The following EXOC6B variants were observed in gnomAD, a reference collection of about 807,000 sequenced individuals.
EXOC6B encodes the protein SEC15 homolog B.
A neutral mutation model predicts 113.5 loss-of-function variants in EXOC6B; 54 were observed. The observed-to-expected ratio is 0.48, with a 90% CI of 0.38 to 0.60. The LOEUF (loss-of-function observed/expected upper bound fraction) is 0.60. EXOC6B is among the 20% of genes least tolerant of loss of function. The pLI is 0.00. For missense variants in EXOC6B, 797 were observed against 977.5 expected (o/e 0.82, Z 2.46); for synonymous variants, 357 against 339.0 (o/e 1.05, Z -0.58).
intron 1 of EXOC6B, among the ~76,000 whole-genome samples, chr2:72,792,709 A>G (rs1684741195): frequency 6.6e-6 from 1 of 152,136 alleles, no homozygotes; most frequent in Non-Finnish European, 1.5e-5. Flanking sequence ...AGGCTAATGG[A>G]TGAGATAATT....
intron 20 of EXOC6B, among the ~76,000 whole-genome samples, chr2:72,259,405 T>C (rs1044852974): frequency 6.6e-6 from 1 of 152,256 alleles, no homozygotes; most frequent in Admixed American, 6.5e-5. Flanking sequence ...TGTATGTATA[T>C]ACTACAATTT....
intron 16 of EXOC6B, among the ~76,000 whole-genome samples, chr2:72,482,257 TA>T (rs1190312673): frequency 1.3e-5 from 2 of 152,230 alleles, no homozygotes; most frequent in African/African-American, 2.4e-5. Flanking sequence ...AAAAAAGTGG[TA>T]TCTATTACTT....
At chr2:72,379,600 A>T (rs1691560042) in intron 19 of EXOC6B, 129 bp downstream of exon 19, 3 of 829,632 alleles carry the variant, frequency 3.6e-6, no homozygotes, top group Admixed American at 3.5e-5. Context: ...TCTATAAGTT[A>T]TCTCTGTTAT....
At chr2:72,562,331 T>C (rs542671882) in intron 7 of EXOC6B, among the ~76,000 whole-genome samples, 1 of 152,102 alleles carries the variant, frequency 6.6e-6, no homozygotes, top group Admixed American at 6.6e-5. Context: ...AAAATGTAGT[T>C]TTTCCCTACT....
chr2:72,663,076 C>T (rs531405056), intron 6 of EXOC6B, among the ~76,000 whole-genome samples: 4 of 152,250 alleles, frequency 2.6e-5, no homozygotes, highest in Middle Eastern at 3.4e-3. Flanking sequence ...GATCTCATTC[C>T]ACAGTATTTA....
rs1572992294 is a variant in EXOC6B, at chr2:72,203,570, C to A, written c.2197-19383G>T. Among the ~76,000 whole-genome samples, 5 of 152,230 alleles carry A rather than the reference C, an allele frequency of 3.3e-5. 1 individual carries two copies. Among genetic ancestry groups the A allele is most frequent in the Admixed American group, 3.3e-4 (5 of 15,292 alleles). On this transcript the variant is annotated intron_variant, in intron 20 of 21. Transcript: ENST00000272427. ...TATCAATTCATACAACTAAAATGGT[C>A]CTATATTGGCTACAGGAATAAAAAG...
intron 1 of EXOC6B, among the ~76,000 whole-genome samples, chr2:72,786,771 C>G (rs995589948): frequency 6.6e-6 from 1 of 152,152 alleles, no homozygotes; most frequent in Non-Finnish European, 1.5e-5. Context: ...TACTGATACA[C>G]TCAGTGCTAA....
Position 72,643,928 on chromosome 2 carries a change from A to G in EXOC6B, c.670-68260T>C, listed in dbSNP as rs112239689. ...CACAGTTCCTTGCCAGCAACAGAAC[A>G]AAGCTGGATGGAGAATGACTTTGAC... On this transcript the variant is annotated intron_variant, in intron 6 of 21. Transcript: ENST00000272427. Among the ~76,000 whole-genome samples the G allele has an allele frequency of 1.5e-4, 23 of 152,290 alleles. 2 individuals carry two copies. Among genetic ancestry groups the G allele is most frequent in the African/African-American group, 4.6e-4 (19 of 41,576 alleles).
Position 72,765,053 on chromosome 2 carries a change from T to C in EXOC6B, c.114-23584A>G, listed in dbSNP as rs372281858. Among the ~76,000 whole-genome samples the C allele has an allele frequency of 2.0e-5, 3 of 151,010 alleles. No homozygotes were observed. The East Asian group carries it at 6.0e-4, about 30-fold the overall frequency. On this transcript the variant is annotated intron_variant, in intron 1 of 21. Coordinates refer to ENST00000272427, the MANE Select transcript of EXOC6B (RefSeq NM_015189.3). Reference sequence around the variant, plus strand: ...GGATTACTTGAGCCCAAGAGTTCAATACCAGCCTGAGCAACATGGTGAGAC... The same window carrying C: ...GGATTACTTGAGCCCAAGAGTTCAACACCAGCCTGAGCAACATGGTGAGAC...
At chr2:72,423,310 A>G (rs1336260980) in intron 18 of EXOC6B, among the ~76,000 whole-genome samples, 1 of 152,136 alleles carries the variant, frequency 6.6e-6, no homozygotes, top group African/African-American at 2.4e-5. Flanking sequence ...GCGCCACCTT[A>G]AGAGCTGTAA....
At chr2:72,636,756 G>A (rs1353090428) in intron 6 of EXOC6B, among the ~76,000 whole-genome samples, 1 of 151,684 alleles carries the variant, frequency 6.6e-6, no homozygotes, top group African/African-American at 2.4e-5. Flanking sequence ...CTAAGACAGG[G>A]AACAAAAAGA....
At chr2:72,519,397 A>G (rs1482716215) in intron 8 of EXOC6B, among the ~76,000 whole-genome samples, 2 of 152,288 alleles carry the variant, frequency 1.3e-5, no homozygotes, top group Admixed American at 6.5e-5. Flanking sequence ...TGTGCCTTTG[A>G]AAGAAGGCAC....
chr2:72,529,826 A>T (rs188723109), intron 8 of EXOC6B, among the ~76,000 whole-genome samples: 107 of 152,300 alleles, frequency 7.0e-4, no homozygotes, highest in African/African-American at 2.3e-3. Context: ...TATTCAAATT[A>T]TCCATTTCAT....
intron 18 of EXOC6B, among the ~76,000 whole-genome samples, chr2:72,382,752 G>T (rs1312734311): frequency 6.6e-6 from 1 of 151,988 alleles, no homozygotes; most frequent in Non-Finnish European, 1.5e-5. Flanking sequence ...CATGTCCATG[G>T]TTAGCTGTAT....
intron 12 of EXOC6B, among the ~76,000 whole-genome samples, chr2:72,499,693 A>G (rs957710216): frequency 2.0e-5 from 3 of 151,858 alleles, no homozygotes; most frequent in Non-Finnish European, 4.4e-5. Flanking sequence ...GCTACTGGTG[A>G]TTTTTTATGT....
chr2:72,414,329 A>G (rs933348708), intron 18 of EXOC6B, among the ~76,000 whole-genome samples: 4 of 152,196 alleles, frequency 2.6e-5, no homozygotes, highest in African/African-American at 9.7e-5. Context: ...CAACTACACA[A>G]TGCTTTCCAA....
At chr2:72,796,453 CAAAAA>C (rs61374385) in intron 1 of EXOC6B, among the ~76,000 whole-genome samples, 1 of 54,030 alleles carries the variant, frequency 1.9e-5, no homozygotes, top group Admixed American at 2.1e-4. Flanking sequence ...ACTCCATCTC[CAAAAA>C]AAAAAAAAAA....
intron 18 of EXOC6B, among the ~76,000 whole-genome samples, chr2:72,436,187 A>G (rs668586): frequency 0.38 from 57,083 of 152,066 alleles, 16,091 homozygotes; most frequent in African/African-American, 0.79. Flanking sequence ...GAAATTCTGG[A>G]TTGAAAATTC....
intron 20 of EXOC6B, among the ~76,000 whole-genome samples, chr2:72,224,623 G>A (rs1364363826): frequency 6.6e-6 from 1 of 150,940 alleles, no homozygotes; most frequent in East Asian, 1.9e-4. Flanking sequence ...AGCATATTGA[G>A]AATTATCACT....
Sources: gnomAD v4.1 joint callset for allele counts (sites outside exome capture counted in the v4.1 genomes callset) on GRCh38, gnomAD v4.1.1 for gene constraint, MANE v1.5 for transcripts, NCBI Gene and HGNC (gene_info 2026-07-23, HGNC 2026-07-21) for gene names.